Variants in NUBPL observed in about 807,000 individuals in gnomAD.
NUBPL encodes iron-sulfur cluster transfer protein NUBPL.
In NUBPL, 31 loss-of-function variants were observed where a neutral mutation model predicts 45.7. The ratio of observed to expected loss-of-function variants is 0.68; its 90% confidence interval spans 0.51 to 0.92. The LOEUF (loss-of-function observed/expected upper bound fraction) is 0.92, where lower values mean the gene tolerates loss of function less well. NUBPL is among the 40% of genes least tolerant of loss of function. The pLI, the probability that NUBPL is intolerant of heterozygous loss-of-function variation, is 0.00. For missense variants in NUBPL, 401 were observed against 398.7 expected, an observed-to-expected ratio of 1.01 and a Z score of -0.05; for synonymous variants, 144 against 140.9, an observed-to-expected ratio of 1.02 and a Z score of -0.15.
intron 8 of NUBPL, among the ~76,000 whole-genome samples, chr14:31,832,337 G>GAA (rs1282358350): frequency 6.6e-6 from 1 of 152,168 alleles, no homozygotes; most frequent in Non-Finnish European, 1.5e-5. Flanking sequence ...AGGAAGAGTT[G>GAA]AAAATCTTGG....
chr14:31,648,997 A>T (rs2035930263), intron 4 of NUBPL, among the ~76,000 whole-genome samples: 1 of 151,994 alleles, frequency 6.6e-6, no homozygotes, highest in Admixed American at 6.6e-5. Context: ...TTTAGTAGAG[A>T]CGGGGTTTCA....
intron 6 of NUBPL, among the ~76,000 whole-genome samples, chr14:31,698,180 G>A (rs1197184486): frequency 1.3e-5 from 2 of 151,948 alleles, no homozygotes; most frequent in African/African-American, 2.4e-5. Context: ...TTAATATTTA[G>A]CATTGTTTTC....
At chr14:31,627,576 A>G (rs1182199916) in intron 4 of NUBPL, among the ~76,000 whole-genome samples, 1 of 151,866 alleles carries the variant, frequency 6.6e-6, no homozygotes, top group East Asian at 1.9e-4. Flanking sequence ...CAGGAGATCG[A>G]GACCACAGTG....
At position 31,611,203 on chromosome 14, in the gene NUBPL, A is replaced by G. The variant is rs141038011; in HGVS notation, c.382+11824A>G. Among the ~76,000 whole-genome samples the G allele has an allele frequency of 4.6e-3, 708 of 152,346 alleles. 3 individuals carry two copies. The highest frequency in any genetic ancestry group is 0.016 in the African/African-American group (655 of 41,590). ...AACCTAAAGACTCCACAAAAAAACT[A>G]TTAGAACTGATAAACAAGTTCAGTA... On this transcript the variant is annotated intron_variant, in intron 4 of 10. Coordinates refer to ENST00000281081, the MANE Select transcript of NUBPL (RefSeq NM_025152.3).
intron 6 of NUBPL, among the ~76,000 whole-genome samples, chr14:31,736,035 C>G (rs1191681027): frequency 2.6e-5 from 4 of 152,114 alleles, no homozygotes; most frequent in African/African-American, 9.7e-5. Context: ...GTATATATTA[C>G]TCAGTCTTCC....
chr14:31,749,966 C>T (rs11156705), intron 6 of NUBPL, among the ~76,000 whole-genome samples: 49,862 of 151,818 alleles, frequency 0.33, 8,458 homozygotes, highest in South Asian at 0.41. Flanking sequence ...ATTCTTTCTT[C>T]TGATGATCTA....
chr14:31,843,113 C>T (rs890406246), intron 8 of NUBPL, among the ~76,000 whole-genome samples: 4 of 152,212 alleles, frequency 2.6e-5, no homozygotes, highest in African/African-American at 9.6e-5. Context: ...TATTGTTCAA[C>T]ACCCTGGCAC....
At chr14:31,690,457 G>A (rs1268255199) in intron 6 of NUBPL, among the ~76,000 whole-genome samples, 2 of 152,144 alleles carry the variant, frequency 1.3e-5, no homozygotes, top group Non-Finnish European at 2.9e-5. Flanking sequence ...CGACATGAAA[G>A]GTGCTGAACT....
At chr14:31,661,429 A>T (rs1331566355) in intron 4 of NUBPL, among the ~76,000 whole-genome samples, 3 of 152,258 alleles carry the variant, frequency 2.0e-5, no homozygotes, top group Non-Finnish European at 4.4e-5. Flanking sequence ...TAAAAAATAA[A>T]ATTCTAAGGC....
intron 3 of NUBPL, among the ~76,000 whole-genome samples, chr14:31,591,831 A>G (rs533140019): frequency 6.6e-6 from 1 of 152,346 alleles, no homozygotes; most frequent in South Asian, 2.1e-4. Context: ...CTACAGAATA[A>G]CAGATGGAGG....
At chr14:31,632,155 A>G (rs148153104) in intron 4 of NUBPL, among the ~76,000 whole-genome samples, 169 of 152,294 alleles carry the variant, frequency 1.1e-3, no homozygotes, top group Non-Finnish European at 2.2e-3. Context: ...GAGAGGGACT[A>G]TTTACAAGAT....
At chr14:31,776,763 A>G (rs531123184) in intron 6 of NUBPL, among the ~76,000 whole-genome samples, 2 of 152,292 alleles carry the variant, frequency 1.3e-5, no homozygotes, top group African/African-American at 4.8e-5. Flanking sequence ...TATTATGTCC[A>G]TTCCTCAGTA....
intron 4 of NUBPL, among the ~76,000 whole-genome samples, chr14:31,642,916 T>C (rs1431559861): frequency 6.6e-6 from 1 of 152,180 alleles, no homozygotes; most frequent in Non-Finnish European, 1.5e-5. Context: ...TCTTTGTAGC[T>C]CTTGCAGATG....
At chr14:31,701,215 G>A (rs2037330197) in intron 6 of NUBPL, among the ~76,000 whole-genome samples, 1 of 151,940 alleles carries the variant, frequency 6.6e-6, no homozygotes, top group South Asian at 2.1e-4. Flanking sequence ...TCTAGCTGAA[G>A]GTTTGTAAAT....
rs559301417 is a variant in NUBPL, at chr14:31,726,436, A to C, written c.513+52862A>C. 1.2e-4 allele frequency among the ~76,000 whole-genome samples: 18 copies of C among 152,380 alleles called. No individual in the cohort carries two copies. In the East Asian group the frequency reaches 2.1e-3, roughly 18 times the overall value. On this transcript the variant is annotated intron_variant, in intron 6 of 10. Coordinates refer to ENST00000281081, the MANE Select transcript of NUBPL (RefSeq NM_025152.3). ...TATTTTGGCTCATAAAAATAAATAT[A>C]TTTCAAAAATAGAATGAATGCTCTA...
intron 3 of NUBPL, among the ~76,000 whole-genome samples, chr14:31,577,701 C>T (rs766814880): frequency 2.0e-5 from 3 of 152,172 alleles, no homozygotes; most frequent in Admixed American, 6.5e-5. Flanking sequence ...CATGGGCCAC[C>T]GCACCTGGCT....
chr14:31,682,547 A>G (rs1197615273), intron 6 of NUBPL, among the ~76,000 whole-genome samples: 1 of 152,068 alleles, frequency 6.6e-6, no homozygotes, highest in Non-Finnish European at 1.5e-5. Context: ...TCAGTCTACC[A>G]TTTTGATTTT....
At chr14:31,752,385 T>C (rs1233767728) in intron 6 of NUBPL, among the ~76,000 whole-genome samples, 1 of 152,168 alleles carries the variant, frequency 6.6e-6, no homozygotes, top group East Asian at 1.9e-4. Flanking sequence ...TGCTTAGAAA[T>C]TTATTCTGCC....
chr14:31,719,765 A>G (rs781518630), intron 6 of NUBPL, among the ~76,000 whole-genome samples: 12 of 152,214 alleles, frequency 7.9e-5, no homozygotes, highest in Non-Finnish European at 1.5e-4. Flanking sequence ...CCCATGATCA[A>G]AGTAAGCCAC....
Sources: allele counts gnomAD v4.1 joint callset (sites outside exome capture counted in the v4.1 genomes callset), GRCh38; gene constraint gnomAD v4.1.1; transcripts MANE v1.5; gene names NCBI Gene and HGNC (gene_info 2026-07-23, HGNC 2026-07-21).